The following PIGU variants were observed in gnomAD, a reference collection of about 807,000 sequenced individuals.
PIGU encodes GPI-anchor transamidase component PIGU.
In PIGU, 24 loss-of-function variants were observed where a neutral mutation model predicts 49.9. The ratio of observed to expected loss-of-function variants is 0.48; its 90% CI spans 0.35 to 0.68. The LOEUF (loss-of-function observed/expected upper bound fraction) is 0.68. Ranked by LOEUF, PIGU falls within the 30% of genes least tolerant of loss-of-function variation. The pLI is 0.01. For synonymous variants in PIGU, 220 were observed against 205.7 expected, an observed-to-expected ratio of 1.07 and a Z score of -0.59; for missense variants, 490 against 532.6, an observed-to-expected ratio of 0.92 and a Z score of 0.79.
chr20:34,580,826 C>A (rs535079955), intron 10 of PIGU, among the ~76,000 whole-genome samples: 1 of 152,238 alleles, frequency 6.6e-6, no homozygotes, highest in East Asian at 1.9e-4. Flanking sequence ...GCACTGGGGG[C>A]CTAGGCAGCA....
intron 7 of PIGU, among the ~76,000 whole-genome samples, chr20:34,605,981 C>T (rs151205586): frequency 6.4e-4 from 97 of 152,228 alleles, no homozygotes; most frequent in African/African-American, 2.2e-3. Context: ...TCCCAGCCGG[C>T]GCAGTGGCTC....
intron 6 of PIGU, among the ~76,000 whole-genome samples, chr20:34,626,311 T>TC (rs1409638311): frequency 6.6e-6 from 1 of 151,654 alleles, no homozygotes; most frequent in Non-Finnish European, 1.5e-5. Context: ...AACTTTTTTT[T>TC]TTTTTTTTGA....
At chr20:34,603,857 G>GACAGAC (rs1568635212) in intron 7 of PIGU, among the ~76,000 whole-genome samples, 1 of 70,746 alleles carries the variant, frequency 1.4e-5, no homozygotes, top group African/African-American at 5.8e-5. Flanking sequence ...CCTTTTAGTG[G>GACAGAC]ACAGACACAC....
At chr20:34,663,160 C>A (rs980177313) in intron 1 of PIGU, among the ~76,000 whole-genome samples, 1 of 152,174 alleles carries the variant, frequency 6.6e-6, no homozygotes, top group African/African-American at 2.4e-5. Flanking sequence ...CCACCTTGAC[C>A]TCCCAAAGTG....
chr20:34,624,429 G>T (rs1347710292), intron 6 of PIGU, among the ~76,000 whole-genome samples: 1 of 152,202 alleles, frequency 6.6e-6, no homozygotes, highest in Non-Finnish European at 1.5e-5. Context: ...AGCAGCCTGG[G>T]CTCTTAATCA....
At position 34,676,049 on chromosome 20, in the gene PIGU, TG is replaced by T. The variant is rs771288298; in HGVS notation, c.130+906del. Among the ~76,000 whole-genome samples, 970 of 151,472 alleles carry T rather than the reference TG, an allele frequency of 6.4e-3. 6 individuals are homozygous for T. The highest frequency in any genetic ancestry group is 0.011 in the Non-Finnish European group (767 of 67,824). On this transcript the variant is annotated intron_variant, in intron 1 of 11. Coordinates refer to ENST00000217446, the MANE Select transcript of PIGU (RefSeq NM_080476.5). ...TAAAAAAAAAAAAAAAAAAGTTGTT[TG>T]TTTTTTTTTAATCATCAAACTCTGG...
intron 7 of PIGU, among the ~76,000 whole-genome samples, chr20:34,609,134 AAC>A (rs1984722062): frequency 2.0e-5 from 3 of 151,914 alleles, no homozygotes; most frequent in African/African-American, 7.3e-5. Context: ...CCAACCAACC[AAC>A]CAAACAAACA....
intron 1 of PIGU, among the ~76,000 whole-genome samples, chr20:34,659,338 C>CGGGA (rs1986852254): frequency 1.5e-5 from 2 of 136,292 alleles, no homozygotes; most frequent in Admixed American, 7.2e-5. Context: ...CCGCCCCGTC[C>CGGGA]GGGAGGTGAG....
chr20:34,563,326 G>A (rs1385836466), intron 11 of PIGU, among the ~76,000 whole-genome samples: 4 of 152,124 alleles, frequency 2.6e-5, no homozygotes, highest in Non-Finnish European at 4.4e-5. Flanking sequence ...CCAGCACTTT[G>A]GGAGGCCGAA....
At chr20:34,590,456 C>T (rs146033812) in intron 7 of PIGU, among the ~76,000 whole-genome samples, 1 of 152,124 alleles carries the variant, frequency 6.6e-6, no homozygotes, top group African/African-American at 2.4e-5. Context: ...ACTCAGGAGA[C>T]TAAGGCATGA....
At chr20:34,584,333 C>T (rs1455239533) in intron 9 of PIGU, among the ~76,000 whole-genome samples, 1 of 152,058 alleles carries the variant, frequency 6.6e-6, no homozygotes, top group Non-Finnish European at 1.5e-5. Flanking sequence ...CAGAAGAGGA[C>T]TCCACACATC....
At chr20:34,570,133 T>C (rs1461819371) in intron 11 of PIGU, among the ~76,000 whole-genome samples, 2 of 152,204 alleles carry the variant, frequency 1.3e-5, no homozygotes, top group South Asian at 2.1e-4. Flanking sequence ...AGTTCACATA[T>C]GCAGGACTCA....
Position 34,568,182 on chromosome 20 carries a change from A to G in PIGU, c.1194+6922T>C, listed in dbSNP as rs1600584640. ...ACAGACAGGGCTGGAGTCGCTATAG[A>G]GTTTGGGCTTCCAGAGCCCTGGCCT... On this transcript the variant is annotated intron_variant, in intron 11 of 11. Transcript: ENST00000217446. Among the ~76,000 whole-genome samples the G allele has an allele frequency of 3.3e-5, 5 of 152,222 alleles. No homozygotes were observed. The South Asian group carries it at 1.0e-3, about 32-fold the overall frequency.
intron 1 of PIGU, among the ~76,000 whole-genome samples, chr20:34,662,032 A>T (rs1986941617): frequency 6.6e-6 from 1 of 152,034 alleles, no homozygotes; most frequent in Non-Finnish European, 1.5e-5. Flanking sequence ...GGCCACATGC[A>T]TGTCTTCTTT....
chr20:34,566,876 C>T (rs1316333646), intron 11 of PIGU, among the ~76,000 whole-genome samples: 3 of 152,206 alleles, frequency 2.0e-5, no homozygotes, highest in African/African-American at 7.2e-5. Context: ...TCTGCTCTCC[C>T]CAGTTCACAG....
intron 1 of PIGU, among the ~76,000 whole-genome samples, chr20:34,666,404 C>G (rs960374764): frequency 6.6e-6 from 1 of 151,056 alleles, no homozygotes; most frequent in Non-Finnish European, 1.5e-5. Context: ...TATCTAACAA[C>G]TAATATAAGA....
chr20:34,571,981 T>C (rs1431214221), intron 11 of PIGU, among the ~76,000 whole-genome samples: 1 of 152,108 alleles, frequency 6.6e-6, no homozygotes, highest in Non-Finnish European at 1.5e-5. Context: ...CCCCAGGAAG[T>C]ACTTGGACCC....
intron 1 of PIGU, among the ~76,000 whole-genome samples, chr20:34,658,808 T>C (rs1330812900): frequency 6.7e-6 from 1 of 149,794 alleles, no homozygotes; most frequent in Non-Finnish European, 1.5e-5. Context: ...AGCCGCCCCG[T>C]CTGAGAAGCG....
At chr20:34,618,939 G>A (rs933966007) in intron 6 of PIGU, among the ~76,000 whole-genome samples, 3 of 152,322 alleles carry the variant, frequency 2.0e-5, no homozygotes, top group African/African-American at 4.8e-5. Context: ...CACCAAAGTG[G>A]TCTGTATACT....
Sources: allele counts gnomAD v4.1 joint callset (sites outside exome capture counted in the v4.1 genomes callset), GRCh38; gene constraint gnomAD v4.1.1; transcripts MANE v1.5; gene names NCBI Gene and HGNC (gene_info 2026-07-23, HGNC 2026-07-21).